The following RASSF5 variants were observed in gnomAD, a reference collection of about 807,000 sequenced individuals.
The protein encoded by RASSF5 is ras association domain-containing protein 5.
A neutral mutation model predicts 40.5 loss-of-function variants in RASSF5; 25 were observed. The observed-to-expected ratio is 0.62, with a 90% confidence interval of 0.45 to 0.86. The LOEUF is 0.86. RASSF5 is among the 40% of genes least tolerant of loss of function. The pLI is 0.00. For synonymous variants in RASSF5, 246 were observed against 252.4 expected (o/e 0.97, Z 0.24); for missense variants, 521 against 572.8 (o/e 0.91, Z 0.92).
At position 206,560,609 on chromosome 1, in the gene RASSF5, A is replaced by G. The variant is rs1282564417; in HGVS notation, c.579+22316A>G. On this transcript the variant is annotated intron_variant, in intron 2 of 5. Coordinates refer to ENST00000579436, the MANE Select transcript of RASSF5 (RefSeq NM_182663.4). This position sits in a 1 kb window ranked among gnomAD's most constrained non-coding sequence, Gnocchi z 5.1. ...GTACTTTCCCACTTGGCTAGGCACA[A>G]TTAGATCGTGTTTCTCTGGGTCAGG... Among the ~76,000 whole-genome samples, 1 of 152,226 alleles carries G rather than the reference A, an allele frequency of 6.6e-6. No homozygotes were observed. Among genetic ancestry groups the G allele is most frequent in the Non-Finnish European group, 1.5e-5 (1 of 68,038 alleles).
intron 1 of RASSF5, among the ~76,000 whole-genome samples, chr1:206,510,500 G>A (rs1553394505): frequency 1.3e-5 from 2 of 152,148 alleles, no homozygotes; most frequent in Admixed American, 6.5e-5. Flanking sequence ...TGTTTAATTC[G>A]ATATGATTGT....
chr1:206,556,620 AG>A (rs1667993787), intron 2 of RASSF5, among the ~76,000 whole-genome samples: 1 of 152,142 alleles, frequency 6.6e-6, no homozygotes, highest in African/African-American at 2.4e-5. Flanking sequence ...AGGCTTCCTG[AG>A]GGCCAAGTTC....
At chr1:206,565,503 G>C (rs1668264148) in intron 2 of RASSF5, among the ~76,000 whole-genome samples, 1 of 152,188 alleles carries the variant, frequency 6.6e-6, no homozygotes, top group African/African-American at 2.4e-5. Flanking sequence ...CTATAGCACT[G>C]AGCACCACAG....
intron 2 of RASSF5, among the ~76,000 whole-genome samples, chr1:206,548,194 T>C (rs1667745781): frequency 6.6e-6 from 1 of 152,190 alleles, no homozygotes; most frequent in South Asian, 2.1e-4. Context: ...TATGTATTAG[T>C]CTGTTTTGTG....
chr1:206,527,719 A>G (rs1408635790), intron 1 of RASSF5, among the ~76,000 whole-genome samples: 1 of 152,142 alleles, frequency 6.6e-6, no homozygotes, highest in Admixed American at 6.5e-5. Flanking sequence ...GGACAGAGGA[A>G]AAAGCACTCC....
rs782237675 is a variant in RASSF5, at chr1:206,513,419, C to A, written c.457+5360C>A. Among the ~76,000 whole-genome samples the A allele has an allele frequency of 4.6e-5, 7 of 152,180 alleles. No individual in the cohort carries two copies. The highest frequency in any genetic ancestry group is 1.0e-4 in the Non-Finnish European group (7 of 68,048). On this transcript the variant is annotated intron_variant, in intron 1 of 5. Coordinates refer to ENST00000579436, the MANE Select transcript of RASSF5 (RefSeq NM_182663.4). This position sits in a 1 kb window ranked among gnomAD's most constrained non-coding sequence, Gnocchi z 5.0. ...GTGGGTGTGCAAAGCATGCAAGCTC[C>A]CCACCCCCAGCCCTTCTGAGGGAAC...
At chr1:206,529,329 A>T in intron 1 of RASSF5, 1 of 771,166 alleles carries the variant, frequency 1.3e-6, no homozygotes, top group South Asian at 1.4e-5. Flanking sequence ...AGGAGTTAAC[A>T]CCATCACCAC....
At chr1:206,516,327 T>C (rs1320646913) in intron 1 of RASSF5, among the ~76,000 whole-genome samples, 1 of 152,204 alleles carries the variant, frequency 6.6e-6, no homozygotes, top group African/African-American at 2.4e-5. Flanking sequence ...CTCTGCCAGT[T>C]CTTTCCTGTT....
At chr1:206,540,171 G>T (rs534178706) in intron 2 of RASSF5, among the ~76,000 whole-genome samples, 1 of 152,326 alleles carries the variant, frequency 6.6e-6, no homozygotes, top group Admixed American at 6.5e-5. Context: ...CCACAACAAA[G>T]AATTATCTGA....
At chr1:206,563,920 C>T (rs1668217492) in intron 2 of RASSF5, among the ~76,000 whole-genome samples, 1 of 152,176 alleles carries the variant, frequency 6.6e-6, no homozygotes, top group Admixed American at 6.5e-5. Flanking sequence ...TCACCACAAG[C>T]TGAACTCTTA....
At chr1:206,524,639 AT>A (rs1299148542) in intron 1 of RASSF5, among the ~76,000 whole-genome samples, 2 of 138,238 alleles carry the variant, frequency 1.4e-5, no homozygotes, top group East Asian at 3.9e-4. Flanking sequence ...AATATATAAA[AT>A]ATATATTATA....
chr1:206,565,156 C>T (rs1305352315), intron 2 of RASSF5, among the ~76,000 whole-genome samples: 1 of 152,140 alleles, frequency 6.6e-6, no homozygotes, highest in Non-Finnish European at 1.5e-5. Context: ...CCTTCAATAC[C>T]TCAGGGGTCT....
rs782615062 is a variant in RASSF5 at position 206,585,224 on chromosome 1, C to T, written c.1033C>T (p.Arg345Cys). The T allele has an allele frequency of 8.1e-6, 13 of 1,614,180 alleles. No homozygotes were observed. The highest frequency in any genetic ancestry group is 3.3e-4 in the Middle Eastern group (2 of 6,062). Reference protein sequence around the residue: ...LSIADRPLYLRLLAGPDTEVL... With the variant: ...LSIADRPLYLCLLAGPDTEVL... ...CATTGCTGACCGCCCCCTCTACCTG[C>T]GCCTGCTTGCTGGGCCTGACACGGA... Residue 345 changes from arginine (R) to cysteine (C), a missense_variant, in exon 5 of 6, where the codon CGC becomes TGC. Physicochemically the swap from Arg to Cys is radical, Grantham distance 180. Transcript: ENST00000579436.
chr1:206,517,887 C>G (rs1666791492), intron 1 of RASSF5, among the ~76,000 whole-genome samples: 1 of 152,142 alleles, frequency 6.6e-6, no homozygotes, highest in South Asian at 2.1e-4. Context: ...TGGGCCCCTC[C>G]CCCACCCTGG....
In RASSF5 at chr1:206,552,759, GA is replaced by G. The variant is rs1461941869; in HGVS notation, c.579+14467del. Among the ~76,000 whole-genome samples, 25 of 152,314 alleles carry G rather than the reference GA, an allele frequency of 1.6e-4. No homozygotes were observed. Among genetic ancestry groups the G allele is most frequent in the African/African-American group, 6.0e-4 (25 of 41,556 alleles). The stretch of plus-strand genomic sequence containing the variant: ...TCTTGCAGGGTTCTGAGGATTAAGT[GA>G]GATAATGAAATGTGTAACTTTCATT... On this transcript the variant is annotated intron_variant, in intron 2 of 5. Transcript: ENST00000579436. This position sits in a 1 kb window ranked among gnomAD's most constrained non-coding sequence, Gnocchi z 4.1.
Position 206,583,417 on chromosome 1 carries a change from A to G in RASSF5, c.690+38A>G, listed in dbSNP as rs1668974044. 5 of 1,416,182 alleles carry G rather than the reference A, an allele frequency of 3.5e-6. No homozygotes were observed. The East Asian group carries it at 1.1e-4, about 32-fold the overall frequency. The allele number at this position is 1,416,182 out of a possible 1,614,324, so 87.7% of individuals were successfully genotyped here. On this transcript the variant is annotated intron_variant, in intron 3 of 5. Transcript: ENST00000579436. Reference sequence around the variant, plus strand: ...CCACCCTCAACCTGGCCCCTGCTCCACCACCCGCTTCGGGTTTGGCGCCTC... The same window carrying G: ...CCACCCTCAACCTGGCCCCTGCTCCGCCACCCGCTTCGGGTTTGGCGCCTC...
chr1:206,515,974 G>A (rs1331815106), intron 1 of RASSF5, among the ~76,000 whole-genome samples: 5 of 152,176 alleles, frequency 3.3e-5, no homozygotes, highest in African/African-American at 7.2e-5. Context: ...GAGAGAAAGC[G>A]TTGAGCATAT....
intron 2 of RASSF5, among the ~76,000 whole-genome samples, chr1:206,578,321 C>T (rs570133541): frequency 3.2e-4 from 49 of 151,660 alleles, no homozygotes; most frequent in African/African-American, 1.2e-3. Context: ...TGTAGGTTAG[C>T]TTTAACCTTC....
chr1:206,523,451 T>TAA lies in RASSF5; in HGVS notation c.458-14720_458-14719dup, dbSNP rs1238356547. The stretch of plus-strand genomic sequence containing the variant: ...TATAATATATTTTATATATAATATA[T>TAA]AATATATTAAATATATTTTATATAC... On this transcript the variant is annotated intron_variant, in intron 1 of 5. Coordinates refer to ENST00000579436, the MANE Select transcript of RASSF5 (RefSeq NM_182663.4). Among the ~76,000 whole-genome samples the TAA allele has an allele frequency of 4.7e-3, 552 of 116,938 alleles. 2 individuals carry two copies. Among genetic ancestry groups the TAA allele is most frequent in the African/African-American group, 0.017 (520 of 30,202 alleles). 76.7% of individuals were successfully genotyped at this position (116,938 alleles called of 152,430 possible). A position where few individuals can be genotyped will look rare whatever the true frequency, so the allele number is the denominator to read the frequency against.
Sources: allele counts gnomAD v4.1 joint callset (sites outside exome capture counted in the v4.1 genomes callset), GRCh38; gene constraint gnomAD v4.1.1; non-coding constraint Gnocchi (gnomAD v3.1); transcripts MANE v1.5; gene names NCBI Gene and HGNC (gene_info 2026-07-23, HGNC 2026-07-21).